Variants in CAMK1D observed in about 807,000 individuals in gnomAD.
CAMK1D encodes the protein calcium/calmodulin-dependent protein kinase type 1D.
A neutral mutation model predicts 47.7 loss-of-function variants in CAMK1D; 9 were observed. That is an observed-to-expected ratio of 0.19 (90% CI 0.11 to 0.33). CAMK1D has a LOEUF of 0.33. CAMK1D is among the 10% of genes least tolerant of loss of function. The pLI, the probability that CAMK1D is intolerant of heterozygous loss-of-function variation, is 1.00. For missense variants in CAMK1D, 291 were observed against 488.7 expected (o/e 0.60, Z 3.81); for synonymous variants, 184 against 184.9 (o/e 0.99, Z 0.04).
chr10:12,785,565 C>G (rs1026184553), intron 5 of CAMK1D, among the ~76,000 whole-genome samples: 20 of 152,186 alleles, frequency 1.3e-4, no homozygotes, highest in African/African-American at 4.6e-4. Context: ...CTGCATAGTT[C>G]AGAGCCCTCA....
In CAMK1D at chr10:12,652,023, C is replaced by T. The variant is rs538897366; in HGVS notation, c.225-14713C>T. Among the ~76,000 whole-genome samples, 26 of 152,034 alleles carry T rather than the reference C, an allele frequency of 1.7e-4. No homozygotes were observed. In the South Asian group the frequency reaches 5.4e-3, roughly 32 times the overall value. On this transcript the variant is annotated intron_variant, in intron 2 of 10. Transcript: ENST00000619168. ...CTCTATCTCCTGACCTCGTGATCTG[C>T]CCGCCTCGGCCTCCCAAAGTGCTGG...
At chr10:12,776,284 C>T (rs1307340861) in intron 5 of CAMK1D, among the ~76,000 whole-genome samples, 1 of 152,208 alleles carries the variant, frequency 6.6e-6, no homozygotes, top group Non-Finnish European at 1.5e-5. Context: ...GGCCTGATAA[C>T]CCTGGGAGGG....
chr10:12,614,295 T>G (rs1379724559), intron 2 of CAMK1D, among the ~76,000 whole-genome samples: 4 of 152,224 alleles, frequency 2.6e-5, no homozygotes, highest in South Asian at 2.1e-4. Context: ...TCACTTGGTG[T>G]TGTCATTATG....
At chr10:12,814,143 C>A in intron 6 of CAMK1D, 52 bp from the exon 7 acceptor site, 1 of 1,190,234 alleles carries the variant, frequency 8.4e-7, no homozygotes, top group South Asian at 1.2e-5. Flanking sequence ...AGTGTACAGT[C>A]ACCACACTGG....
chr10:12,823,553 C>CGAGAGA (rs929134288), intron 8 of CAMK1D, among the ~76,000 whole-genome samples: 5 of 151,484 alleles, frequency 3.3e-5, no homozygotes, highest in African/African-American at 1.2e-4. Context: ...TATTGTGAGC[C>CGAGAGA]GAGAGAGAGG....
intron 2 of CAMK1D, among the ~76,000 whole-genome samples, chr10:12,623,920 A>G (rs1051053630): frequency 6.6e-5 from 10 of 152,094 alleles, no homozygotes; most frequent in Non-Finnish European, 1.5e-4. Context: ...CTCTACTAAA[A>G]ATACAAAAAT....
intron 2 of CAMK1D, among the ~76,000 whole-genome samples, chr10:12,571,453 CAAAAAAAA>C (rs766454210): frequency 2.2e-5 from 2 of 89,754 alleles, no homozygotes; most frequent in Admixed American, 1.4e-4. Flanking sequence ...GACTCCATCA[CAAAAAAAA>C]AAAAAAAAAA....
intron 1 of CAMK1D, among the ~76,000 whole-genome samples, chr10:12,364,005 T>C (rs1181859963): frequency 6.6e-6 from 1 of 152,152 alleles, no homozygotes; most frequent in African/African-American, 2.4e-5. Flanking sequence ...ATTCTGTGTT[T>C]TATTTTTTCA....
intron 3 of CAMK1D, among the ~76,000 whole-genome samples, chr10:12,741,129 G>A (rs1027088887): frequency 1.3e-5 from 2 of 152,164 alleles, no homozygotes; most frequent in Admixed American, 6.5e-5. Flanking sequence ...CCTGCCTCCA[G>A]GCTTTCTAGC....
chr10:12,476,272 A>G lies in CAMK1D; in HGVS notation c.93-76953A>G, dbSNP rs1296130289. Among the ~76,000 whole-genome samples the G allele has an allele frequency of 2.6e-5, 4 of 151,972 alleles. No homozygotes were observed. In the East Asian group the frequency reaches 7.7e-4, roughly 29 times the overall value. Reference sequence around the variant, plus strand: ...ACACCACCGCACTCTAGCCTGGGCAACAGAACGAGACTCTGTTTCAAAAAA... The same window carrying G: ...ACACCACCGCACTCTAGCCTGGGCAGCAGAACGAGACTCTGTTTCAAAAAA... On this transcript the variant is annotated intron_variant, in intron 1 of 10. Coordinates refer to ENST00000619168, the MANE Select transcript of CAMK1D (RefSeq NM_153498.4).
intron 1 of CAMK1D, among the ~76,000 whole-genome samples, chr10:12,524,023 C>G (rs939306671): frequency 3.3e-5 from 5 of 152,096 alleles, no homozygotes; most frequent in Admixed American, 3.3e-4. Flanking sequence ...TCCTGAGTAG[C>G]TGGGACTACA....
At chr10:12,780,794 A>T (rs895792333) in intron 5 of CAMK1D, among the ~76,000 whole-genome samples, 3 of 152,216 alleles carry the variant, frequency 2.0e-5, no homozygotes, top group Admixed American at 1.3e-4. Flanking sequence ...AGAAATTGTC[A>T]TACAGGGCAC....
chr10:12,725,877 C>A (rs1211332903), intron 3 of CAMK1D, among the ~76,000 whole-genome samples: 1 of 152,060 alleles, frequency 6.6e-6, no homozygotes, highest in Non-Finnish European at 1.5e-5. Flanking sequence ...TTGCCTCAGC[C>A]TCCCAAGTAG....
chr10:12,580,584 AAAAATGGAATGT>A (rs1354594417), intron 2 of CAMK1D, among the ~76,000 whole-genome samples: 2 of 152,158 alleles, frequency 1.3e-5, no homozygotes, highest in Non-Finnish European at 2.9e-5. Context: ...TTTGTACTTG[AAAAATGGAATGT>A]AAATCATAAA....
chr10:12,779,462 C>G (rs1478376668), intron 5 of CAMK1D, among the ~76,000 whole-genome samples: 1 of 152,138 alleles, frequency 6.6e-6, no homozygotes, highest in Non-Finnish European at 1.5e-5. Flanking sequence ...GAGACAGGGT[C>G]TCTGTCCCCC....
intron 3 of CAMK1D, among the ~76,000 whole-genome samples, chr10:12,749,251 A>C (rs1419550132): frequency 6.6e-6 from 1 of 152,064 alleles, no homozygotes; most frequent in East Asian, 1.9e-4. Flanking sequence ...TAAACCTTAT[A>C]AATATTGGGG....
At chr10:12,609,255 G>A (rs1048168781) in intron 2 of CAMK1D, among the ~76,000 whole-genome samples, 2 of 152,202 alleles carry the variant, frequency 1.3e-5, no homozygotes, top group Non-Finnish European at 1.5e-5. Flanking sequence ...GGGCCTGTTG[G>A]GGGAAGGGGA....
intron 2 of CAMK1D, among the ~76,000 whole-genome samples, chr10:12,624,105 C>T (rs969323854): frequency 6.6e-6 from 1 of 151,816 alleles, no homozygotes; most frequent in South Asian, 2.1e-4. Context: ...CAAAAAACTG[C>T]AATTAAGGAA....
intron 3 of CAMK1D, among the ~76,000 whole-genome samples, chr10:12,693,962 A>T (rs529796739): frequency 2.7e-5 from 1 of 36,956 alleles, no homozygotes; most frequent in Non-Finnish European, 5.0e-5. Flanking sequence ...TATATTATAT[A>T]TAAAATATAT....
Sources: allele counts gnomAD v4.1 joint callset (sites outside exome capture counted in the v4.1 genomes callset), GRCh38; gene constraint gnomAD v4.1.1; transcripts MANE v1.5; gene names NCBI Gene and HGNC (gene_info 2026-07-23, HGNC 2026-07-21).